Variants in OGT observed in about 807,000 individuals in gnomAD.
OGT encodes O-linked N-acetylglucosamine (GlcNAc) transferase.
A neutral mutation model predicts 75.8 loss-of-function variants in OGT; 3 were observed. The observed-to-expected ratio is 0.04, with a 90% CI of 0.02 to 0.10. The LOEUF (loss-of-function observed/expected upper bound fraction) is 0.10. Among genes scored for constraint, OGT ranks in the 10% least tolerant of loss-of-function variants. The pLI, the probability that OGT is intolerant of heterozygous loss-of-function variation, is 1.00. For synonymous variants in OGT, 257 were observed against 289.7 expected (o/e 0.89, Z 1.15); for missense variants, 260 against 824.4 (o/e 0.32, Z 8.38).
chrX:71,551,675 G>A (rs1036527328), intron 5 of OGT, among the ~76,000 whole-genome samples: 5 of 111,646 alleles, frequency 4.5e-5, no homozygotes, highest in South Asian at 3.7e-4. Flanking sequence ...TGACAAAAAC[G>A]AGATACAATC....
At chrX:71,555,772 T>C (rs779243578) in intron 7 of OGT, 182 bp from the exon 8 acceptor site, 6 of 491,788 alleles carry the variant, frequency 1.2e-5, no homozygotes, top group Non-Finnish European at 2.0e-5. Context: ...AAGTCTTTTG[T>C]ACAAGTATTG....
chrX:71,541,752 A>G (rs1317162727), intron 3 of OGT, among the ~76,000 whole-genome samples: 1 of 110,443 alleles, frequency 9.1e-6, no homozygotes, highest in Non-Finnish European at 1.9e-5. Flanking sequence ...ATTGAGAATT[A>G]CTGTAGGTTT....
At chrX:71,568,858 AC>A (rs1174741642) in intron 21 of OGT, among the ~76,000 whole-genome samples, 11 of 106,797 alleles carry the variant, frequency 1.0e-4, no homozygotes, top group African/African-American at 3.9e-4. Context: ...AAACAAACAA[AC>A]AAAAAAAAAA....
intron 8 of OGT, 150 bp downstream of exon 8, chrX:71,556,244 GATGTGAGGCCCT>G (rs1311615333): frequency 1.7e-6 from 1 of 577,823 alleles, no homozygotes; most frequent in Non-Finnish European, 2.7e-6. Flanking sequence ...CCTAAGGTAT[GATGTGAGGCCCT>G]ATGTGACATT....
chrX:71,573,598 G>T (rs909246818), intron 21 of OGT, 22 bp from the exon 22 acceptor site: 1 of 1,163,605 alleles, frequency 8.6e-7, no homozygotes, highest in Non-Finnish European at 1.1e-6. Context: ...TGTAAACTGG[G>T]TTCTTGTTTT....
At chrX:71,536,851 G>T (rs1207203729) in intron 2 of OGT, among the ~76,000 whole-genome samples, 1 of 111,251 alleles carries the variant, frequency 9.0e-6, no homozygotes, top group Non-Finnish European at 1.9e-5. Context: ...TGTTATTCTG[G>T]CATATTTAGA....
At position 71,557,712 on chromosome X, in the gene OGT, AAC is replaced by A. The variant is rs200725052; in HGVS notation, c.1602+44_1602+45del. ...TTTTAATCTTTTTGTTGTAAACTAA[AAC>A]ACAAATACAGAAAACTGTAAAAATC... is the stretch of plus-strand genomic sequence containing the variant. On this transcript the variant is annotated intron_variant, in intron 12 of 21. Transcript: ENST00000373719. 2.5e-3 allele frequency: 2,588 copies of A among 1,051,211 alleles called. 46 individuals are homozygous for A. The African/African-American group carries it at 0.044, about 18-fold the overall frequency. 86.6% of individuals were successfully genotyped at this position (1,051,211 alleles called of 1,213,427 possible). A position where few individuals can be genotyped will look rare whatever the true frequency, so the allele number is the denominator to read the frequency against.
chrX:71,542,699 A>T (rs1275413533), intron 3 of OGT, among the ~76,000 whole-genome samples: 5 of 112,375 alleles, frequency 4.4e-5, no homozygotes, highest in Admixed American at 2.8e-4. Context: ...AACATGTATA[A>T]CCACAATTAT....
chrX:71,536,125 C>A, intron 1 of OGT, 53 bp from the exon 2 acceptor site: 1 of 1,084,295 alleles, frequency 9.2e-7, no homozygotes, highest in Non-Finnish European at 1.2e-6. Flanking sequence ...GTTTACATTT[C>A]TAACTTTTTG....
chrX:71,575,520 G>A lies in OGT; in HGVS notation c.*1726G>A, dbSNP rs1317455417. ...ATATCAGTTAAAGGTTGCCAGCATG[G>A]TTGCAGATAAACTGATGTTTGAAAT... On this transcript the variant is annotated 3_prime_UTR_variant, in exon 22 of 22. Transcript: ENST00000373719. The A allele has an allele frequency of 8.9e-6, 1 of 112,641 alleles. No homozygotes were observed. The highest frequency in any genetic ancestry group is 3.2e-5 in the African/African-American group (1 of 30,956). The allele number at this position is 112,641 out of a possible 1,213,427, so 9.3% of individuals were successfully genotyped here. A position where few individuals can be genotyped will look rare whatever the true frequency, so the allele number is the denominator to read the frequency against.
intron 5 of OGT, among the ~76,000 whole-genome samples, chrX:71,549,402 C>G (rs1298085769): frequency 9.2e-6 from 1 of 108,150 alleles, no homozygotes; most frequent in Non-Finnish European, 1.9e-5. Flanking sequence ...ATGGGTGTAT[C>G]GGGACATAAC....
At chrX:71,556,333 T>G (rs2040343216) in intron 8 of OGT, 1 of 394,489 alleles carries the variant, frequency 2.5e-6, no homozygotes, top group Non-Finnish European at 4.3e-6. Flanking sequence ...AATTAAACAT[T>G]AACCCACAGT....
chrX:71,569,016 G>T (rs1234621406), intron 21 of OGT, among the ~76,000 whole-genome samples: 1 of 111,738 alleles, frequency 8.9e-6, no homozygotes, highest in Non-Finnish European at 1.9e-5. Context: ...CCCTTCCTCA[G>T]AGTTTTTAGA....
At chrX:71,568,163 A>G (rs113788982) in intron 21 of OGT, 47 bp downstream of exon 21, 1 of 1,064,720 alleles carries the variant, frequency 9.4e-7, no homozygotes, top group Non-Finnish European at 1.3e-6. Flanking sequence ...AGTAGAGAGA[A>G]TATAGCTGTT....
intron 2 of OGT, chrX:71,536,663 C>T (rs2040177805): frequency 5.2e-6 from 1 of 192,479 alleles, no homozygotes; most frequent in South Asian, 1.7e-4. Flanking sequence ...AGCATCCAGT[C>T]TCCCTTTCAT....
intron 21 of OGT, among the ~76,000 whole-genome samples, chrX:71,570,655 G>T (rs1779517099): frequency 9.0e-6 from 1 of 111,416 alleles, no homozygotes; most frequent in Non-Finnish European, 1.9e-5. Context: ...ACATTCAGCA[G>T]ATGTTAGCTA....
chrX:71,563,605 G>T, intron 18 of OGT, 106 bp downstream of exon 18: 1 of 623,378 alleles, frequency 1.6e-6, no homozygotes, highest in Non-Finnish European at 2.4e-6. Flanking sequence ...CCATTTTTAT[G>T]GATGAGGAAA....
At chrX:71,543,830 A>T (rs2040241051) in intron 3 of OGT, among the ~76,000 whole-genome samples, 1 of 102,790 alleles carries the variant, frequency 9.7e-6, no homozygotes, top group Admixed American at 1.1e-4. Context: ...TCTGTCGCCC[A>T]GGCTGGAGTG....
chrX:71,547,022 G>C, intron 4 of OGT: 1 of 754,740 alleles, frequency 1.3e-6, no homozygotes, highest in Non-Finnish European at 1.6e-6. Flanking sequence ...TGCGTCTAGG[G>C]GTGTTCTATG....
Sources: gnomAD v4.1 joint callset for allele counts (sites outside exome capture counted in the v4.1 genomes callset) on GRCh38, gnomAD v4.1.1 for gene constraint, MANE v1.5 for transcripts, NCBI Gene and HGNC (gene_info 2026-07-23, HGNC 2026-07-21) for gene names.